DAB1: variants seen among roughly 807,000 people sequenced by gnomAD.
The protein encoded by DAB1 is DAB adaptor protein 1, also known as disabled homolog 1.
DAB1 carries 15 observed loss-of-function variants against 64.6 expected under a neutral mutation model. That is an observed-to-expected ratio of 0.23 (90% CI 0.16 to 0.36). The LOEUF (loss-of-function observed/expected upper bound fraction) is 0.36, where lower values mean the gene tolerates loss of function less well. DAB1 is among the 10% of genes least tolerant of loss of function. The pLI is 1.00. For synonymous variants in DAB1, 235 were observed against 251.9 expected (o/e 0.93, Z 0.64); for missense variants, 596 against 706.7 (o/e 0.84, Z 1.78).
chr1:58,529,889 AT>A (rs951248986), intron 1 of DAB1, among the ~76,000 whole-genome samples: 2 of 150,910 alleles, frequency 1.3e-5, no homozygotes, highest in Non-Finnish European at 3.0e-5. Flanking sequence ...TTTTATTTTT[AT>A]TTTTTTTTGA....
chr1:57,057,888 A>ATG (rs1557644681), intron 9 of DAB1, among the ~76,000 whole-genome samples: 1 of 151,798 alleles, frequency 6.6e-6, no homozygotes, highest in Non-Finnish European at 1.5e-5. Flanking sequence ...GATTACAGGC[A>ATG]TGAGCCACCG....
intron 2 of DAB1, among the ~76,000 whole-genome samples, chr1:57,160,750 G>A (rs565777009): frequency 1.3e-5 from 2 of 152,182 alleles, no homozygotes; most frequent in Non-Finnish European, 2.9e-5. Flanking sequence ...TCTTGGTCAA[G>A]AGCAAGTCAC....
chr1:57,102,687 T>C (rs1654789985), intron 4 of DAB1, among the ~76,000 whole-genome samples: 1 of 152,248 alleles, frequency 6.6e-6, no homozygotes, highest in Non-Finnish European at 1.5e-5. Context: ...TGGAGGCCAA[T>C]GACACAAAGT....
At chr1:57,336,888 C>G (rs1677122369) in intron 1 of DAB1, among the ~76,000 whole-genome samples, 1 of 152,092 alleles carries the variant, frequency 6.6e-6, no homozygotes, top group Non-Finnish European at 1.5e-5. Context: ...TCAAGGTCGC[C>G]CTCCCAGCAT....
intron 5 of DAB1, among the ~76,000 whole-genome samples, chr1:58,131,287 G>A (rs1653550192): frequency 1.4e-5 from 2 of 139,814 alleles, no homozygotes; most frequent in African/African-American, 5.1e-5. Context: ...CGTAGTTCTC[G>A]AGCCTTGGTT....
At chr1:57,437,035 C>CAAAAAA (rs66682648) in intron 7 of DAB1, among the ~76,000 whole-genome samples, 3 of 108,852 alleles carry the variant, frequency 2.8e-5, no homozygotes, top group Non-Finnish European at 5.2e-5. Context: ...GACTCCGTCT[C>CAAAAAA]AAAAAAAAAA....
intron 6 of DAB1, among the ~76,000 whole-genome samples, chr1:57,777,877 T>C (rs1184883102): frequency 6.6e-6 from 1 of 152,146 alleles, no homozygotes; most frequent in Admixed American, 6.6e-5. Context: ...TACTGAATTC[T>C]AGATTATGTT....
At chr1:58,285,411 C>A (rs1460185737) in intron 4 of DAB1, among the ~76,000 whole-genome samples, 1 of 152,122 alleles carries the variant, frequency 6.6e-6, no homozygotes, top group East Asian at 1.9e-4. Flanking sequence ...TTAACATGAT[C>A]TTATATCTAG....
intron 3 of DAB1, among the ~76,000 whole-genome samples, chr1:58,461,426 G>A (rs987649641): frequency 6.6e-6 from 1 of 152,202 alleles, no homozygotes; most frequent in African/African-American, 2.4e-5. Context: ...GTAAGGAAAA[G>A]GCAGGGGTAG....
chr1:57,191,299 C>T (rs940905762), intron 2 of DAB1, among the ~76,000 whole-genome samples: 3 of 152,144 alleles, frequency 2.0e-5, no homozygotes, highest in Admixed American at 1.3e-4. Context: ...ACCTGAGAGG[C>T]CTCACAGTAG....
chr1:58,026,868 A>G (rs76366523), intron 5 of DAB1, among the ~76,000 whole-genome samples: 332 of 152,348 alleles, frequency 2.2e-3, no homozygotes, highest in Non-Finnish European at 3.3e-3. Flanking sequence ...TCAATTTGCC[A>G]GGTGCCTGCA....
In DAB1 at chr1:57,709,891, G is replaced by C. The variant is rs1008247898; in HGVS notation, n.552-60226C>G. Among the ~76,000 whole-genome samples the C allele has an allele frequency of 6.6e-5, 10 of 152,262 alleles. No homozygotes were observed. The East Asian group carries it at 1.9e-3, about 29-fold the overall frequency. ...CCATGTTCAACATACCTAGCTTCCA[G>C]GTAGCCCCTTTTTATTGGCACGGCT... On this transcript the variant is annotated intron_variant and non_coding_transcript_variant, in intron 6 of 20. Coordinates refer to the DAB1 transcript ENST00000485760.
chr1:58,143,055 G>T (rs1417402650), intron 5 of DAB1, among the ~76,000 whole-genome samples: 1 of 152,132 alleles, frequency 6.6e-6, no homozygotes, highest in Non-Finnish European at 1.5e-5. Context: ...AGAAACTCCG[G>T]TGGTGAAACC....
intron 4 of DAB1, among the ~76,000 whole-genome samples, chr1:57,080,261 T>C (rs1283576769): frequency 6.6e-6 from 1 of 152,148 alleles, no homozygotes; most frequent in African/African-American, 2.4e-5. Context: ...GTCACTCTCC[T>C]TTATCTCTAT....
chr1:58,125,726 A>ATTT (rs1653027462), intron 5 of DAB1, among the ~76,000 whole-genome samples: 1 of 152,206 alleles, frequency 6.6e-6, no homozygotes, highest in Admixed American at 6.5e-5. Context: ...GATTACAGGC[A>ATTT]TAAGCCACCA....
intron 1 of DAB1, among the ~76,000 whole-genome samples, chr1:57,303,491 G>T (rs1673848966): frequency 6.6e-6 from 1 of 152,124 alleles, no homozygotes. Flanking sequence ...AAGAGGATAT[G>T]CACAGTCTCT....
chr1:57,802,600 G>A (rs909671492), intron 6 of DAB1, among the ~76,000 whole-genome samples: 2 of 152,198 alleles, frequency 1.3e-5, no homozygotes, highest in African/African-American at 4.8e-5. Context: ...CTGGTAGGAG[G>A]TGATTGGATT....
intron 4 of DAB1, among the ~76,000 whole-genome samples, chr1:58,184,941 T>A (rs1311752067): frequency 2.0e-5 from 3 of 152,062 alleles, no homozygotes; most frequent in African/African-American, 7.2e-5. Context: ...AAGGGAACAG[T>A]CAAAGAGAGC....
intron 1 of DAB1, among the ~76,000 whole-genome samples, chr1:57,352,905 C>T (rs1678700927): frequency 6.6e-6 from 1 of 151,948 alleles, no homozygotes; most frequent in Non-Finnish European, 1.5e-5. Context: ...AGACCAGCAG[C>T]CCCAAACAAG....
Sources: allele counts gnomAD v4.1 joint callset (sites outside exome capture counted in the v4.1 genomes callset), GRCh38; gene constraint gnomAD v4.1.1; transcripts MANE v1.5; gene names NCBI Gene and HGNC (gene_info 2026-07-23, HGNC 2026-07-21).